LINGO2: variants seen among roughly 807,000 people sequenced by gnomAD.
LINGO2 encodes leucine-rich repeat and immunoglobulin-like domain-containing nogo receptor-interacting protein 2.
A neutral mutation model predicts 30.6 loss-of-function variants in LINGO2; 14 were observed. The observed-to-expected ratio is 0.46, with a 90% CI of 0.30 to 0.72. The LOEUF (loss-of-function observed/expected upper bound fraction) is 0.72, where lower values mean the gene tolerates loss of function less well. Among genes scored for constraint, LINGO2 ranks in the 30% least tolerant of loss-of-function variants. LINGO2 has a pLI of 0.07. For synonymous variants in LINGO2, 317 were observed against 288.5 expected, an observed-to-expected ratio of 1.10 and a Z score of -1.00; for missense variants, 729 against 751.7, an observed-to-expected ratio of 0.97 and a Z score of 0.35.
intron 1 of LINGO2, among the ~76,000 whole-genome samples, chr9:28,635,152 C>T (rs1166195966): frequency 6.6e-6 from 1 of 152,182 alleles, no homozygotes; most frequent in East Asian, 1.9e-4. Flanking sequence ...TTCAGTTGTG[C>T]ATCCAATATA....
intron 5 of LINGO2, among the ~76,000 whole-genome samples, chr9:27,968,422 A>T (rs1467798504): frequency 6.6e-6 from 1 of 152,086 alleles, no homozygotes; most frequent in Non-Finnish European, 1.5e-5. Flanking sequence ...GAAAATGTTT[A>T]TATAAAAAAG....
At chr9:28,298,007 A>C (rs1228129421) in intron 3 of LINGO2, among the ~76,000 whole-genome samples, 1 of 152,210 alleles carries the variant, frequency 6.6e-6, no homozygotes, top group Non-Finnish European at 1.5e-5. Context: ...TACAAAATTA[A>C]ATGCATGTAT....
At chr9:28,121,709 C>T (rs1237337501) in intron 4 of LINGO2, among the ~76,000 whole-genome samples, 1 of 152,166 alleles carries the variant, frequency 6.6e-6, no homozygotes, top group African/African-American at 2.4e-5. Flanking sequence ...TGAACTATAA[C>T]TTTGGAAAGA....
chr9:28,768,304 C>T, the LINGO2 span, among the ~76,000 whole-genome samples: 2 of 152,138 alleles, frequency 1.3e-5, no homozygotes, highest in East Asian at 1.9e-4. Flanking sequence ...CCAAAACATT[C>T]GAACTGGTAT....
At chr9:28,763,190 A>C in the LINGO2 span, among the ~76,000 whole-genome samples, 1 of 152,122 alleles carries the variant, frequency 6.6e-6, no homozygotes, top group South Asian at 2.1e-4. Context: ...ATAACACTCA[A>C]CCAATGGATC....
At chr9:28,603,945 T>C (rs1048462448) in intron 1 of LINGO2, among the ~76,000 whole-genome samples, 3 of 152,076 alleles carry the variant, frequency 2.0e-5, no homozygotes, top group Admixed American at 6.6e-5. Flanking sequence ...TTGATAAACA[T>C]TGTTTCTTCT....
intron 4 of LINGO2, among the ~76,000 whole-genome samples, chr9:28,079,429 G>A (rs1452358): frequency 1 from 152,042 of 152,294 alleles, 75,897 homozygotes; most frequent in Middle Eastern, 1. Context: ...GATTTTCCAC[G>A]CTCTTTTCAG....
intron 3 of LINGO2, among the ~76,000 whole-genome samples, chr9:28,327,283 T>C (rs1350830531): frequency 6.6e-6 from 1 of 152,154 alleles, no homozygotes; most frequent in East Asian, 1.9e-4. Flanking sequence ...TAGCAGCCCA[T>C]GTGGACTAAG....
chr9:28,790,903 T>A, the LINGO2 span, among the ~76,000 whole-genome samples: 2 of 152,130 alleles, frequency 1.3e-5, no homozygotes, highest in Non-Finnish European at 2.9e-5. Flanking sequence ...TTGGAATATA[T>A]CCCTTGTGGA....
At chr9:28,743,944 GTTGGTGTAC>G in the LINGO2 span, among the ~76,000 whole-genome samples, 1 of 151,474 alleles carries the variant, frequency 6.6e-6, no homozygotes, top group East Asian at 1.9e-4. Flanking sequence ...CTACATGTAT[GTTGGTGTAC>G]TTAAATATTC....
rs776275263 is a variant in LINGO2, at chr9:28,050,446, C to T, written c.-86-38041G>A. ...GATATTCTGCAAGACAATCTAAAAA[C>T]TCTTCAAAAGCTATTAATGTCATTC... is the stretch of plus-strand genomic sequence containing the variant. On this transcript the variant is annotated intron_variant, in intron 4 of 5. Coordinates refer to ENST00000379992, the Ensembl canonical transcript of LINGO2. 4.7e-4 allele frequency among the ~76,000 whole-genome samples: 71 copies of T among 150,896 alleles called. 2 individuals are homozygous for T. The highest frequency in any genetic ancestry group is 6.2e-4 in the Non-Finnish European group (42 of 67,846).
intron 4 of LINGO2, among the ~76,000 whole-genome samples, chr9:28,065,751 G>T (rs1304017572): frequency 6.6e-6 from 1 of 152,016 alleles, no homozygotes; most frequent in African/African-American, 2.4e-5. Flanking sequence ...GTAAAATGGG[G>T]TTAATACCAT....
intron 3 of LINGO2, among the ~76,000 whole-genome samples, chr9:28,310,720 A>G (rs1417293129): frequency 6.6e-6 from 1 of 152,208 alleles, no homozygotes; most frequent in Non-Finnish European, 1.5e-5. Context: ...GCACTTTATT[A>G]TATGTCAATT....
the LINGO2 span, among the ~76,000 whole-genome samples, chr9:28,895,164 C>A: frequency 2.0e-5 from 3 of 151,930 alleles, no homozygotes; most frequent in South Asian, 2.1e-4. Context: ...TACAATAATT[C>A]AAGAGAAATT....
the LINGO2 span, among the ~76,000 whole-genome samples, chr9:28,684,772 G>A: frequency 6.6e-6 from 1 of 152,060 alleles, no homozygotes; most frequent in Non-Finnish European, 1.5e-5. Flanking sequence ...GTCCACCTCA[G>A]CCTCCCAAAG....
At chr9:28,882,026 C>T in the LINGO2 span, among the ~76,000 whole-genome samples, 2 of 152,124 alleles carry the variant, frequency 1.3e-5, no homozygotes, top group Non-Finnish European at 2.9e-5. Flanking sequence ...AAATCTGAAG[C>T]ACACAGCGGA....
intron 4 of LINGO2, among the ~76,000 whole-genome samples, chr9:28,067,216 G>A (rs950266788): frequency 1.3e-5 from 2 of 151,936 alleles, no homozygotes; most frequent in African/African-American, 4.8e-5. Context: ...TCAACAATAT[G>A]GGTATCCTGT....
chr9:28,006,068 A>C (rs1379632884), intron 5 of LINGO2, among the ~76,000 whole-genome samples: 1 of 152,146 alleles, frequency 6.6e-6, no homozygotes, highest in Non-Finnish European at 1.5e-5. Context: ...TAGGCCTATC[A>C]CAGGGCAAAG....
chr9:29,147,012 G>A, the LINGO2 span, among the ~76,000 whole-genome samples: 2 of 151,946 alleles, frequency 1.3e-5, no homozygotes, highest in East Asian at 1.9e-4. Flanking sequence ...TAATTTTCAC[G>A]TTAAACACGC....
Sources: allele counts gnomAD v4.1 joint callset (sites outside exome capture counted in the v4.1 genomes callset), GRCh38; gene constraint gnomAD v4.1.1; transcripts MANE v1.5; gene names NCBI Gene and HGNC (gene_info 2026-07-23, HGNC 2026-07-21).